The following NTM variants were observed in gnomAD, a reference collection of about 807,000 sequenced individuals.
NTM encodes IgLON family member 2.
In NTM, 13 loss-of-function variants were observed where a neutral mutation model predicts 42.1. The observed-to-expected ratio is 0.31, with a 90% confidence interval of 0.20 to 0.49. The LOEUF (loss-of-function observed/expected upper bound fraction) is 0.49. NTM is among the 20% of genes least tolerant of loss of function. The probability of loss-of-function intolerance (pLI) is 0.99; values close to 1 mark genes in which losing one functional copy is unlikely to be tolerated. For missense variants in NTM, 373 were observed against 452.8 expected (o/e 0.82, Z 1.60); for synonymous variants, 187 against 179.2 (o/e 1.04, Z -0.35).
intron 1 of NTM, among the ~76,000 whole-genome samples, chr11:131,706,114 G>A (rs1007124594): frequency 7.9e-5 from 12 of 152,030 alleles, no homozygotes; most frequent in Non-Finnish European, 1.3e-4. Context: ...AAGGACAGAT[G>A]TAGGCAGAGA....
intron 2 of NTM, among the ~76,000 whole-genome samples, chr11:131,988,009 A>C (rs2066367296): frequency 6.6e-6 from 1 of 152,230 alleles, no homozygotes; most frequent in Non-Finnish European, 1.5e-5. Context: ...AACAACAAAC[A>C]TTTATTCCTC....
intron 1 of NTM, among the ~76,000 whole-genome samples, chr11:131,793,648 G>C (rs1025973947): frequency 7.2e-5 from 11 of 152,164 alleles, no homozygotes; most frequent in African/African-American, 2.7e-4. Context: ...TTACAAGGTG[G>C]AAGCCTCCTT....
chr11:132,122,611 C>G (rs1338438119), intron 2 of NTM, among the ~76,000 whole-genome samples: 1 of 152,106 alleles, frequency 6.6e-6, no homozygotes, highest in East Asian at 1.9e-4. Flanking sequence ...TTGGTCTGAT[C>G]ATCTGAGGAC....
intron 2 of NTM, among the ~76,000 whole-genome samples, chr11:132,105,311 G>T (rs1045938379): frequency 6.6e-6 from 1 of 151,972 alleles, no homozygotes; most frequent in South Asian, 2.1e-4. Context: ...ATTCCCAAGG[G>T]TGTGGAACAC....
chr11:132,011,787 A>G (rs2072255337), intron 2 of NTM, among the ~76,000 whole-genome samples: 1 of 152,150 alleles, frequency 6.6e-6, no homozygotes, highest in African/African-American at 2.4e-5. Flanking sequence ...AGTGGTTTCT[A>G]CATGTGCTCT....
At chr11:131,909,058 G>A (rs1450738741) in intron 1 of NTM, among the ~76,000 whole-genome samples, 1 of 152,200 alleles carries the variant, frequency 6.6e-6, no homozygotes, top group East Asian at 1.9e-4. Flanking sequence ...CCGGAGGAGA[G>A]GAGGGAACAA....
In NTM at chr11:131,595,431, A is replaced by G. The variant is rs561994401; in HGVS notation, c.82+224543A>G. 3.9e-5 allele frequency among the ~76,000 whole-genome samples: 6 copies of G among 152,348 alleles called. No individual in the cohort carries two copies. In the South Asian group the frequency reaches 1.2e-3, roughly 32 times the overall value. ...GCTTATGTGTCCTCACAAGCTAAAT[A>G]GTGAAGAAAGATGTGTCATTTAGAA... is the stretch of plus-strand genomic sequence containing the variant. On this transcript the variant is annotated intron_variant, in intron 1 of 8. Coordinates refer to ENST00000683400, the MANE Select transcript of NTM (RefSeq NM_001352005.2).
intron 1 of NTM, among the ~76,000 whole-genome samples, chr11:131,838,448 T>G (rs1161516166): frequency 6.6e-6 from 1 of 152,244 alleles, no homozygotes; most frequent in South Asian, 2.1e-4. Flanking sequence ...ATTCCTGATG[T>G]CATGTATTAG....
At chr11:132,275,553 T>C (rs1038762473) in intron 4 of NTM, among the ~76,000 whole-genome samples, 1 of 151,654 alleles carries the variant, frequency 6.6e-6, no homozygotes, top group Non-Finnish European at 1.5e-5. Flanking sequence ...ACTTCGCTTT[T>C]CCACATATAT....
intron 1 of NTM, among the ~76,000 whole-genome samples, chr11:131,705,144 G>T (rs1362269452): frequency 2.0e-5 from 3 of 152,052 alleles, no homozygotes; most frequent in Non-Finnish European, 4.4e-5. Flanking sequence ...CCCCAAATAG[G>T]TTAAACAGAA....
chr11:131,434,925 C>A (rs974525991), intron 1 of NTM, among the ~76,000 whole-genome samples: 5 of 152,170 alleles, frequency 3.3e-5, no homozygotes, highest in Non-Finnish European at 5.9e-5. Context: ...GGTTTTAGGT[C>A]TAACATTTAA....
rs904006577 is a variant in NTM, at chr11:131,637,582, C to G, written c.82+266694C>G. Among the ~76,000 whole-genome samples the G allele has an allele frequency of 4.0e-5, 6 of 151,428 alleles. No homozygotes were observed. The East Asian group carries it at 1.0e-3, about 25-fold the overall frequency. Reference sequence around the variant, plus strand: ...CTTGTGAGTGAAGCCTGGCCTACCCCCAAGGCTGATAAGTGGCAACTATAT... The same window carrying G: ...CTTGTGAGTGAAGCCTGGCCTACCCGCAAGGCTGATAAGTGGCAACTATAT... On this transcript the variant is annotated intron_variant, in intron 1 of 8. Coordinates refer to ENST00000683400, the MANE Select transcript of NTM (RefSeq NM_001352005.2).
chr11:131,710,386 G>T (rs956773979), intron 1 of NTM, among the ~76,000 whole-genome samples: 2 of 151,982 alleles, frequency 1.3e-5, no homozygotes, highest in Non-Finnish European at 2.9e-5. Flanking sequence ...ACCAACAAAA[G>T]CCTCACCAAG....
At chr11:132,177,299 C>T (rs957196833) in intron 3 of NTM, among the ~76,000 whole-genome samples, 3 of 152,218 alleles carry the variant, frequency 2.0e-5, no homozygotes, top group South Asian at 2.1e-4. Context: ...TTCAGCACCA[C>T]GGACAGAAAC....
intron 1 of NTM, among the ~76,000 whole-genome samples, chr11:131,575,308 G>A (rs184255263): frequency 6.0e-4 from 92 of 152,248 alleles, no homozygotes; most frequent in African/African-American, 2.1e-3. Flanking sequence ...GGAGCCCCCC[G>A]TCACATTAAA....
intron 2 of NTM, among the ~76,000 whole-genome samples, chr11:132,138,918 G>A (rs1222960334): frequency 6.6e-6 from 1 of 152,110 alleles, no homozygotes; most frequent in Non-Finnish European, 1.5e-5. Context: ...CCAGCTGTCT[G>A]GCATCCCATA....
intron 1 of NTM, among the ~76,000 whole-genome samples, chr11:131,598,873 CTTCT>C (rs2060190753): frequency 4.3e-5 from 1 of 23,174 alleles, no homozygotes; most frequent in African/African-American, 1.1e-4. Context: ...TCCTTCCTTC[CTTCT>C]TCCTTCCTTC....
At chr11:131,925,190 A>G (rs951696833) in intron 2 of NTM, among the ~76,000 whole-genome samples, 65 of 152,160 alleles carry the variant, frequency 4.3e-4, no homozygotes, top group Non-Finnish European at 7.4e-5. Flanking sequence ...CTTAGATGAT[A>G]AATTACTCAT....
chr11:131,726,393 C>A (rs1489525880), intron 1 of NTM, among the ~76,000 whole-genome samples: 2 of 144,998 alleles, frequency 1.4e-5, no homozygotes, highest in East Asian at 3.9e-4. Flanking sequence ...TCTCCTGGCC[C>A]CTCTCACACT....
Sources: gnomAD v4.1 joint callset for allele counts (sites outside exome capture counted in the v4.1 genomes callset) on GRCh38, gnomAD v4.1.1 for gene constraint, MANE v1.5 for transcripts, NCBI Gene and HGNC (gene_info 2026-07-23, HGNC 2026-07-21) for gene names.